Variants in MYO3B observed in about 807,000 individuals in gnomAD.
MYO3B encodes the protein myosin-IIIb.
A neutral mutation model predicts 174.6 loss-of-function variants in MYO3B; 156 were observed. The ratio of observed to expected loss-of-function variants is 0.89; its 90% confidence interval spans 0.78 to 1.02. The LOEUF is 1.02. Ranked by LOEUF, MYO3B falls within the 50% of genes least tolerant of loss-of-function variation. The pLI is 0.00. For missense variants in MYO3B, 1,632 were observed against 1,639.4 expected, an observed-to-expected ratio of 1.00 and a Z score of 0.08; for synonymous variants, 563 against 569.1, an observed-to-expected ratio of 0.99 and a Z score of 0.15.
chr2:170,566,585 T>C (rs1289793605), intron 32 of MYO3B, among the ~76,000 whole-genome samples: 1 of 152,186 alleles, frequency 6.6e-6, no homozygotes, highest in Non-Finnish European at 1.5e-5. Flanking sequence ...TTCTAATTTC[T>C]TCAATAACAT....
intron 23 of MYO3B, among the ~76,000 whole-genome samples, chr2:170,460,502 A>AAAG (rs1684219740): frequency 6.6e-6 from 1 of 151,668 alleles, no homozygotes; most frequent in African/African-American, 2.4e-5. Flanking sequence ...AAAAAAAAAA[A>AAAG]AAAAAAAAGA....
At chr2:170,633,212 G>A (rs1055360366) in intron 32 of MYO3B, among the ~76,000 whole-genome samples, 2 of 152,076 alleles carry the variant, frequency 1.3e-5, no homozygotes, top group Non-Finnish European at 2.9e-5. Flanking sequence ...CATCGATGCA[G>A]AAATCCTCAA....
chr2:170,542,745 T>C (rs1257121376), intron 30 of MYO3B, among the ~76,000 whole-genome samples, 161 bp from the exon 31 acceptor site: 1 of 152,234 alleles, frequency 6.6e-6, no homozygotes, highest in Non-Finnish European at 1.5e-5. Flanking sequence ...GGACTCATTT[T>C]CTTAAGGTGA....
chr2:170,198,216 T>C (rs73025167), intron 1 of MYO3B, among the ~76,000 whole-genome samples: 1,533 of 152,138 alleles, frequency 0.01, 31 homozygotes, highest in African/African-American at 0.035. Flanking sequence ...CAAGGCCCAC[T>C]TTACACTATT....
intron 32 of MYO3B, chr2:170,646,947 T>A (rs575024538): frequency 2.2e-6 from 3 of 1,344,038 alleles, no homozygotes; most frequent in Non-Finnish European, 3.0e-6. Context: ...TGGGTATATA[T>A]CTTTCAATTG....
intron 32 of MYO3B, among the ~76,000 whole-genome samples, chr2:170,633,016 A>T (rs888540615): frequency 1.3e-5 from 2 of 152,316 alleles, no homozygotes; most frequent in Middle Eastern, 3.4e-3. Context: ...GGTCAGACAG[A>T]TTCACAGCCG....
intron 32 of MYO3B, among the ~76,000 whole-genome samples, chr2:170,576,287 G>C (rs1403828978): frequency 2.0e-5 from 3 of 152,198 alleles, no homozygotes; most frequent in Non-Finnish European, 2.9e-5. Context: ...CCTCTGTGTA[G>C]GGTTACTGTC....
intron 29 of MYO3B, 43 bp downstream of exon 29, chr2:170,515,065 G>A (rs1174232483): frequency 6.5e-7 from 1 of 1,549,894 alleles, no homozygotes; most frequent in African/African-American, 1.4e-5. Flanking sequence ...TAAATTCAGG[G>A]GCATTCCGGA....
chr2:170,638,091 CCTCTCT>C (rs574364783), intron 32 of MYO3B, among the ~76,000 whole-genome samples: 122 of 149,108 alleles, frequency 8.2e-4, no homozygotes, highest in African/African-American at 2.7e-3. Flanking sequence ...TCTCTCTCTC[CCTCTCT>C]CTCTCTCTCT....
intron 30 of MYO3B, among the ~76,000 whole-genome samples, chr2:170,539,839 C>T (rs566773941): frequency 2.2e-4 from 33 of 152,134 alleles, no homozygotes; most frequent in Admixed American, 6.5e-4. Flanking sequence ...CCAGGCTAGT[C>T]TCCAACTCCT....
At chr2:170,416,887 G>A (rs1184147579) in intron 22 of MYO3B, among the ~76,000 whole-genome samples, 13 of 145,714 alleles carry the variant, frequency 8.9e-5, no homozygotes, top group African/African-American at 2.3e-4. Context: ...GTGCAGTGCC[G>A]CGATCTCGGC....
intron 32 of MYO3B, among the ~76,000 whole-genome samples, chr2:170,547,360 T>C (rs1180971992): frequency 2.0e-5 from 3 of 149,820 alleles, no homozygotes; most frequent in Non-Finnish European, 1.5e-5. Flanking sequence ...GTCCCTAAAC[T>C]GGCCCATGTG....
In MYO3B at chr2:170,369,321, A is replaced by C; in HGVS notation, c.915A>C (p.Lys305Asn). The change falls in exon 9 of 35, where the codon AAA becomes AAC. Residue 305 changes from lysine to asparagine, a missense_variant. Transcript: ENST00000408978. ...ATGGAAAAGTTCTGTTTCTGCAAAAACAGCTGGCCAAGGTTCTCCAAGACC... is the reference window on the plus strand; with the variant it reads ...ATGGAAAAGTTCTGTTTCTGCAAAACCAGCTGGCCAAGGTTCTCCAAGACC... ...GVHGKVLFLQ[K>N]QLAKVLQDQK... 1 of 1,613,846 alleles carries C rather than the reference A, an allele frequency of 6.2e-7. No individual in the cohort carries two copies. Among genetic ancestry groups the C allele is most frequent in the Non-Finnish European group, 8.5e-7 (1 of 1,179,794 alleles).
At chr2:170,393,526 A>G (rs1199281879) in intron 16 of MYO3B, among the ~76,000 whole-genome samples, 2 of 152,108 alleles carry the variant, frequency 1.3e-5, no homozygotes, top group Admixed American at 6.6e-5. Flanking sequence ...CATGCCATCA[A>G]TTTTGCAAAA....
In MYO3B at chr2:170,653,140, A is replaced by G; in HGVS notation, c.*19A>G. 6.2e-7 allele frequency: 1 copy of G among 1,613,924 alleles called. No individual in the cohort carries two copies. The highest frequency in any genetic ancestry group is 8.5e-7 in the Non-Finnish European group (1 of 1,179,878). ...ACATTAAATTGTGCTTCCTAACCCT[A>G]AATCTGTCCAGAGTAGGAACATTCA... On this transcript the variant is annotated 3_prime_UTR_variant, in exon 35 of 35. Transcript: ENST00000408978.
At chr2:170,195,023 G>A (rs1009907356) in intron 1 of MYO3B, among the ~76,000 whole-genome samples, 3 of 151,970 alleles carry the variant, frequency 2.0e-5, no homozygotes, top group African/African-American at 7.3e-5. Context: ...TATCCTAGCC[G>A]CTCTGGCAAC....
At chr2:170,315,063 C>T (rs577375840) in intron 7 of MYO3B, among the ~76,000 whole-genome samples, 1 of 152,334 alleles carries the variant, frequency 6.6e-6, no homozygotes, top group East Asian at 1.9e-4. Flanking sequence ...CTTCAAATTA[C>T]AGGCATCCTG....
intron 3 of MYO3B, 117 bp downstream of exon 3, chr2:170,200,401 T>C (rs1168563355): frequency 3.6e-6 from 4 of 1,116,578 alleles, no homozygotes; most frequent in African/African-American, 3.2e-5. Flanking sequence ...CCCTCCTGCA[T>C]GTCACAGGTA....
chr2:170,336,801 T>A (rs2093950022), intron 8 of MYO3B, among the ~76,000 whole-genome samples: 1 of 152,200 alleles, frequency 6.6e-6, no homozygotes, highest in South Asian at 2.1e-4. Context: ...TGTAAACAGC[T>A]ATGAACCTAT....
Sources: gnomAD v4.1 joint callset for allele counts (sites outside exome capture counted in the v4.1 genomes callset) on GRCh38, gnomAD v4.1.1 for gene constraint, MANE v1.5 for transcripts, NCBI Gene and HGNC (gene_info 2026-07-23, HGNC 2026-07-21) for gene names.